TTC29: variants seen among roughly 807,000 people sequenced by gnomAD.
TTC29 encodes the protein tetratricopeptide repeat protein 29.
A neutral mutation model predicts 58.1 loss-of-function variants in TTC29; 49 were observed. The observed-to-expected ratio is 0.84, with a 90% CI of 0.67 to 1.07. TTC29 has a LOEUF of 1.07. Among genes scored for constraint, TTC29 ranks in the 50% least tolerant of loss-of-function variants. The pLI is 0.00. For synonymous variants in TTC29, 209 were observed against 196.8 expected, an observed-to-expected ratio of 1.06 and a Z score of -0.52; for missense variants, 582 against 555.6, an observed-to-expected ratio of 1.05 and a Z score of -0.48.
intron 11 of TTC29, among the ~76,000 whole-genome samples, chr4:146,721,042 C>T (rs531825714): frequency 3.0e-4 from 46 of 152,206 alleles, no homozygotes; most frequent in Admixed American, 1.4e-3. Flanking sequence ...GCAATTATGG[C>T]ATAACCCTCT....
At chr4:146,885,427 T>C (rs1016894309) in intron 6 of TTC29, among the ~76,000 whole-genome samples, 1 of 152,076 alleles carries the variant, frequency 6.6e-6, no homozygotes, top group African/African-American at 2.4e-5. Flanking sequence ...TATCCATGCA[T>C]AATTTTTACA....
chr4:146,879,256 G>C (rs1731467331), intron 6 of TTC29, among the ~76,000 whole-genome samples: 1 of 152,110 alleles, frequency 6.6e-6, no homozygotes, highest in Admixed American at 6.6e-5. Flanking sequence ...AATATTAAAA[G>C]ATATGCCCAT....
intron 11 of TTC29, among the ~76,000 whole-genome samples, chr4:146,800,882 G>T (rs185775236): frequency 1.3e-5 from 2 of 152,158 alleles, no homozygotes; most frequent in African/African-American, 4.8e-5. Context: ...GGCCGTGGTA[G>T]GATGCAGAAT....
intron 11 of TTC29, among the ~76,000 whole-genome samples, chr4:146,708,742 G>A (rs1282138624): frequency 6.6e-6 from 1 of 151,862 alleles, no homozygotes; most frequent in East Asian, 1.9e-4. Flanking sequence ...TCCTGAAAGA[G>A]TTCCACTTTG....
At chr4:146,859,029 G>A (rs1257429342) in intron 8 of TTC29, among the ~76,000 whole-genome samples, 1 of 152,084 alleles carries the variant, frequency 6.6e-6, no homozygotes, top group Non-Finnish European at 1.5e-5. Flanking sequence ...TAGCAGATAT[G>A]AGCACCTATA....
chr4:146,815,940 C>G (rs1004335784), intron 10 of TTC29, among the ~76,000 whole-genome samples: 17 of 152,204 alleles, frequency 1.1e-4, no homozygotes, highest in African/African-American at 3.6e-4. Flanking sequence ...TAACAGAAAG[C>G]ACAAGGAAAA....
intron 6 of TTC29, among the ~76,000 whole-genome samples, chr4:146,897,321 A>G (rs888648632): frequency 6.6e-6 from 1 of 152,138 alleles, no homozygotes; most frequent in Non-Finnish European, 1.5e-5. Flanking sequence ...GACGCTAGCA[A>G]AGCTCCATAG....
At chr4:146,707,684 A>T (rs1742075477) in intron 11 of TTC29, 133 bp from the exon 12 acceptor site, 1 of 593,362 alleles carries the variant, frequency 1.7e-6, no homozygotes, top group East Asian at 2.8e-5. Flanking sequence ...ATGTATCACC[A>T]GGGCAGATTG....
chr4:146,718,300 T>G (rs1267534657), intron 11 of TTC29, among the ~76,000 whole-genome samples: 1 of 152,182 alleles, frequency 6.6e-6, no homozygotes, highest in African/African-American at 2.4e-5. Context: ...CCATACAGAT[T>G]TCTGTAATGG....
At chr4:146,755,984 C>T (rs1170725481) in intron 11 of TTC29, among the ~76,000 whole-genome samples, 2 of 152,068 alleles carry the variant, frequency 1.3e-5, no homozygotes, top group Non-Finnish European at 2.9e-5. Context: ...TTAAGAAATT[C>T]TGTAGTCAGG....
At chr4:146,760,150 A>G (rs886109169) in intron 11 of TTC29, among the ~76,000 whole-genome samples, 12 of 152,070 alleles carry the variant, frequency 7.9e-5, no homozygotes, top group African/African-American at 2.9e-4. Context: ...ACAATAACCA[A>G]GAAGAGATTC....
At chr4:146,803,777 C>G in intron 10 of TTC29, 92 bp from the exon 11 acceptor site, 1 of 953,600 alleles carries the variant, frequency 1.0e-6, no homozygotes, top group Non-Finnish European at 1.5e-6. Context: ...CCCACACTGA[C>G]CTTTCGACAG....
chr4:146,876,209 G>A (rs963009175), intron 6 of TTC29, among the ~76,000 whole-genome samples: 1 of 152,176 alleles, frequency 6.6e-6, no homozygotes, highest in Non-Finnish European at 1.5e-5. Context: ...ATGAATTCAT[G>A]CATGTACAAT....
intron 4 of TTC29, chr4:146,934,315 A>G (rs1165319843): frequency 6.6e-6 from 1 of 152,198 alleles, no homozygotes; most frequent in Non-Finnish European, 1.5e-5. Context: ...CTGATGGATT[A>G]GAGGGGGGTA....
intron 11 of TTC29, among the ~76,000 whole-genome samples, chr4:146,760,505 C>CAGG (rs1430812067): frequency 2.6e-5 from 4 of 151,940 alleles, no homozygotes; most frequent in African/African-American, 4.8e-5. Context: ...AAGTACAAAT[C>CAGG]TAGAGGCATC....
At position 146,731,202 on chromosome 4, in the gene TTC29, T is replaced by C. The variant is rs79104090; in HGVS notation, c.1331-23651A>G. ...GTGGGTAGATATCATAGTGATACCT[T>C]ATGGTCATTATCTTTTGAGTGTTTC... On this transcript the variant is annotated intron_variant, in intron 11 of 12. Coordinates refer to ENST00000325106, the MANE Select transcript of TTC29 (RefSeq NM_031956.4). Among the ~76,000 whole-genome samples, 103 of 152,196 alleles carry C rather than the reference T, an allele frequency of 6.8e-4. 1 individual carries two copies. The East Asian group carries it at 0.02, about 29-fold the overall frequency.
intron 11 of TTC29, among the ~76,000 whole-genome samples, chr4:146,731,957 CATTCTTGCCA>C (rs1744366506): frequency 6.6e-6 from 1 of 152,182 alleles, no homozygotes; most frequent in African/African-American, 2.4e-5. Context: ...AATGGCAAGT[CATTCTTGCCA>C]ATACTTGTTA....
At chr4:146,746,845 T>C (rs1198835111) in intron 11 of TTC29, among the ~76,000 whole-genome samples, 1 of 152,160 alleles carries the variant, frequency 6.6e-6, no homozygotes, top group Admixed American at 6.5e-5. Flanking sequence ...AAACCTGTAG[T>C]GCTCTTCCCT....
intron 4 of TTC29, among the ~76,000 whole-genome samples, chr4:146,934,996 G>A (rs1240492293): frequency 6.6e-6 from 1 of 152,080 alleles, no homozygotes; most frequent in Non-Finnish European, 1.5e-5. Flanking sequence ...TCAAAATGGG[G>A]TAGAACCTGG....
Sources: allele counts gnomAD v4.1 joint callset (sites outside exome capture counted in the v4.1 genomes callset), GRCh38; gene constraint gnomAD v4.1.1; transcripts MANE v1.5; gene names NCBI Gene and HGNC (gene_info 2026-07-23, HGNC 2026-07-21).